The following CYP7B1 variants were observed in gnomAD, a reference collection of about 807,000 sequenced individuals.
The protein encoded by CYP7B1 is cytochrome P450 7B1.
CYP7B1 carries 29 observed loss-of-function variants against 42.7 expected under a neutral mutation model. That is an observed-to-expected ratio of 0.68 (90% confidence interval 0.51 to 0.93). The LOEUF (loss-of-function observed/expected upper bound fraction) is 0.93, where lower values mean the gene tolerates loss of function less well. Among genes scored for constraint, CYP7B1 ranks in the 40% least tolerant of loss-of-function variants. The pLI is 0.00. For missense variants in CYP7B1, 655 were observed against 600.5 expected (o/e 1.09, Z -0.95); for synonymous variants, 235 against 218.2 (o/e 1.08, Z -0.68).
intron 1 of CYP7B1, among the ~76,000 whole-genome samples, chr8:64,631,667 T>A (rs1585818911): frequency 6.6e-6 from 1 of 152,124 alleles, no homozygotes; most frequent in East Asian, 1.9e-4. Flanking sequence ...GTGAACCACA[T>A]ATTTGATAAA....
intron 1 of CYP7B1, among the ~76,000 whole-genome samples, chr8:64,737,339 A>G (rs1357275757): frequency 6.6e-6 from 1 of 152,214 alleles, no homozygotes; most frequent in Non-Finnish European, 1.5e-5. Context: ...TTTTTAATGA[A>G]AAAAGAGAAC....
chr8:64,795,877 G>A (rs757279652), intron 1 of CYP7B1, among the ~76,000 whole-genome samples: 5 of 152,160 alleles, frequency 3.3e-5, no homozygotes, highest in Admixed American at 6.5e-5. Context: ...TTCACAAAAG[G>A]AAATCAAAGT....
At chr8:64,608,584 C>T (rs1223958484) in intron 4 of CYP7B1, among the ~76,000 whole-genome samples, 1 of 151,240 alleles carries the variant, frequency 6.6e-6, no homozygotes, top group Admixed American at 6.6e-5. Flanking sequence ...ACTGGGTGAT[C>T]TTAAAGAGAA....
intron 4 of CYP7B1, among the ~76,000 whole-genome samples, chr8:64,614,427 TTC>T (rs1397164798): frequency 6.6e-6 from 1 of 152,126 alleles, no homozygotes; most frequent in Non-Finnish European, 1.5e-5. Context: ...GCTTTTCCTT[TTC>T]TTTTTCTCCC....
intron 4 of CYP7B1, among the ~76,000 whole-genome samples, chr8:64,606,210 T>G (rs557380697): frequency 6.6e-6 from 1 of 152,288 alleles, no homozygotes; most frequent in South Asian, 2.1e-4. Context: ...CAAATCGGTT[T>G]GTTGGTGATG....
chr8:64,631,356 A>G (rs1251049839), intron 1 of CYP7B1, among the ~76,000 whole-genome samples: 1 of 152,182 alleles, frequency 6.6e-6, no homozygotes, highest in Non-Finnish European at 1.5e-5. Flanking sequence ...ATATCAATAA[A>G]GAAAAAAATG....
chr8:64,659,804 C>A lies in CYP7B1; in HGVS notation c.123-35265G>T, dbSNP rs192154979. 3.7e-3 allele frequency among the ~76,000 whole-genome samples: 565 copies of A among 152,136 alleles called. 4 individuals are homozygous for A. Among genetic ancestry groups the A allele is most frequent in the African/African-American group, 0.013 (527 of 41,496 alleles). ...GTTTCTGAGTTGAGGTACCTGTGGG[C>A]AAAACAGCCTGGTGGAGTTATCCAA... is the stretch of plus-strand genomic sequence containing the variant. On this transcript the variant is annotated intron_variant, in intron 1 of 5. Transcript: ENST00000310193.
chr8:64,615,859 A>G lies in CYP7B1; in HGVS notation c.682T>C (p.Ser228Pro). Residue 228 changes from serine (S) to proline (P), a missense_variant, in exon 3 of 6, where the codon TCC becomes CCC. Ser to Pro is a moderately conservative substitution (Grantham distance 74, BLOSUM62 -1). Transcript: ENST00000310193. ...CCTAGAAGCTCAATGGGTATGTTGG[A>G]TACTAAATATGCAAACTTGTCATCA... Reference protein sequence around the residue: ...KFDDKFAYLVSNIPIELLGNV... With the variant: ...KFDDKFAYLVPNIPIELLGNV... 2 of 1,613,728 alleles carry G rather than the reference A, an allele frequency of 1.2e-6. No homozygotes were observed. Among genetic ancestry groups the G allele is most frequent in the South Asian group, 1.1e-5 (1 of 91,068 alleles).
At chr8:64,636,836 C>G (rs530484623) in intron 1 of CYP7B1, among the ~76,000 whole-genome samples, 1 of 152,144 alleles carries the variant, frequency 6.6e-6, no homozygotes, top group East Asian at 1.9e-4. Context: ...GAAGTCGATT[C>G]ATAACTGAAG....
At chr8:64,648,156 T>A (rs913875965) in intron 1 of CYP7B1, among the ~76,000 whole-genome samples, 1 of 152,172 alleles carries the variant, frequency 6.6e-6, no homozygotes, top group Non-Finnish European at 1.5e-5. Flanking sequence ...ATATAAAAAG[T>A]TAGTGGTACA....
intron 1 of CYP7B1, among the ~76,000 whole-genome samples, chr8:64,645,111 T>C (rs1163149320): frequency 6.6e-6 from 1 of 151,300 alleles, no homozygotes; most frequent in Non-Finnish European, 1.5e-5. Flanking sequence ...TATGGCAGCA[T>C]AGTATTCCAT....
chr8:64,591,909 C>T lies in CYP7B1; in HGVS notation c.*4733G>A, dbSNP rs1386241459. 3.9e-5 allele frequency among the ~76,000 whole-genome samples: 6 copies of T among 151,976 alleles called. No homozygotes were observed. The highest frequency in any genetic ancestry group is 2.1e-4 in the South Asian group (1 of 4,816). On this transcript the variant is annotated 3_prime_UTR_variant, in exon 6 of 6. Transcript: ENST00000310193. ...AGCTATAAAAATGAAAAGATGGGGG[C>T]GGGCACGGTGGCTCATGTCTGCAAC...
intron 1 of CYP7B1, among the ~76,000 whole-genome samples, chr8:64,728,710 A>G (rs58994922): frequency 0.23 from 35,472 of 152,228 alleles, 4,646 homozygotes; most frequent in African/African-American, 0.34. Flanking sequence ...TATCGTTAAG[A>G]AAAACTCAAG....
chr8:64,771,862 A>G (rs750299773), intron 1 of CYP7B1, among the ~76,000 whole-genome samples: 3 of 152,256 alleles, frequency 2.0e-5, no homozygotes, highest in Non-Finnish European at 4.4e-5. Flanking sequence ...AGAAAAACAT[A>G]CAATCTTGCT....
intron 1 of CYP7B1, among the ~76,000 whole-genome samples, chr8:64,667,950 T>C (rs768221929): frequency 2.0e-5 from 3 of 152,216 alleles, no homozygotes; most frequent in South Asian, 2.1e-4. Context: ...TCTGTTGAAA[T>C]AGTCCTATCA....
intron 1 of CYP7B1, among the ~76,000 whole-genome samples, chr8:64,643,811 C>T (rs958406061): frequency 6.6e-6 from 1 of 152,154 alleles, no homozygotes; most frequent in African/African-American, 2.4e-5. Flanking sequence ...CAAGAAACCA[C>T]TCTTTCTGTT....
intron 4 of CYP7B1, among the ~76,000 whole-genome samples, chr8:64,606,801 G>A (rs989244273): frequency 1.3e-5 from 2 of 152,192 alleles, no homozygotes; most frequent in Admixed American, 6.5e-5. Flanking sequence ...GACGACAAAA[G>A]TAATGAGTTG....
chr8:64,701,241 C>T (rs534144807), intron 1 of CYP7B1, among the ~76,000 whole-genome samples: 1 of 152,134 alleles, frequency 6.6e-6, no homozygotes, highest in South Asian at 2.1e-4. Flanking sequence ...CCTGGGTTCA[C>T]CAGTGAACCC....
At chr8:64,670,739 C>A (rs1161818768) in intron 1 of CYP7B1, among the ~76,000 whole-genome samples, 1 of 152,230 alleles carries the variant, frequency 6.6e-6, no homozygotes. Flanking sequence ...AGCCGCCCAA[C>A]TGGGTTTTAG....
Sources: gnomAD v4.1 joint callset for allele counts (sites outside exome capture counted in the v4.1 genomes callset) on GRCh38, gnomAD v4.1.1 for gene constraint, MANE v1.5 for transcripts, NCBI Gene and HGNC (gene_info 2026-07-23, HGNC 2026-07-21) for gene names.